ESRRG: variants seen among roughly 807,000 people sequenced by gnomAD.
ESRRG encodes the protein estrogen-related receptor gamma.
A neutral mutation model predicts 44.0 loss-of-function variants in ESRRG; 13 were observed. That is an observed-to-expected ratio of 0.30 (90% CI 0.19 to 0.47). ESRRG has a LOEUF of 0.47. ESRRG is among the 20% of genes least tolerant of loss of function. The pLI, the probability that ESRRG is intolerant of heterozygous loss-of-function variation, is 1.00. For synonymous variants in ESRRG, 215 were observed against 214.6 expected (o/e 1.00, Z -0.02); for missense variants, 395 against 580.6 (o/e 0.68, Z 3.29).
intron 5 of ESRRG, among the ~76,000 whole-genome samples, chr1:216,558,417 AT>A (rs955781292): frequency 1.5e-4 from 23 of 152,266 alleles, no homozygotes; most frequent in Admixed American, 9.2e-4. Context: ...TATCTACACA[AT>A]GATTCTCTTG....
intron 1 of ESRRG, among the ~76,000 whole-genome samples, chr1:216,705,469 C>T (rs1255368617): frequency 6.6e-6 from 1 of 151,996 alleles, no homozygotes; most frequent in Non-Finnish European, 1.5e-5. Context: ...TAAATCAATA[C>T]CCAAAAATAT....
chr1:217,117,305 G>T (rs2092743365), intron 1 of ESRRG, among the ~76,000 whole-genome samples: 1 of 152,130 alleles, frequency 6.6e-6, no homozygotes, highest in African/African-American at 2.4e-5. Flanking sequence ...AAATAAAGTT[G>T]GCCAGCCATG....
chr1:216,573,445 T>C (rs1393828658), intron 3 of ESRRG, among the ~76,000 whole-genome samples: 1 of 151,980 alleles, frequency 6.6e-6, no homozygotes, highest in Non-Finnish European at 1.5e-5. Flanking sequence ...CCAATAACAT[T>C]ACATTATGGT....
At chr1:216,753,812 G>T (rs892718839) in intron 2 of ESRRG, among the ~76,000 whole-genome samples, 1 of 151,994 alleles carries the variant, frequency 6.6e-6, no homozygotes, top group South Asian at 2.1e-4. Flanking sequence ...AGAAACCCTG[G>T]CTTCAGATAT....
chr1:216,847,831 C>T (rs140903590), intron 2 of ESRRG, among the ~76,000 whole-genome samples: 71 of 152,186 alleles, frequency 4.7e-4, no homozygotes, highest in African/African-American at 1.5e-3. Flanking sequence ...AACACAGTGG[C>T]GGTGGCTATG....
At chr1:217,086,243 C>G (rs1364579028) in intron 1 of ESRRG, among the ~76,000 whole-genome samples, 1 of 152,108 alleles carries the variant, frequency 6.6e-6, no homozygotes, top group Non-Finnish European at 1.5e-5. Flanking sequence ...ATAGTATTTC[C>G]AAAAGCACAG....
At chr1:217,133,627 TTCTTTCTCTCTC>T (rs1267170028) in intron 1 of ESRRG, among the ~76,000 whole-genome samples, 5 of 38,800 alleles carry the variant, frequency 1.3e-4, no homozygotes, top group African/African-American at 3.4e-4. Flanking sequence ...CTTTCTTTCT[TTCTTTCTCTCTC>T]TCTCTCTCTT....
chr1:216,756,720 G>A (rs1052149841), intron 2 of ESRRG, among the ~76,000 whole-genome samples: 1 of 152,084 alleles, frequency 6.6e-6, no homozygotes, highest in Non-Finnish European at 1.5e-5. Flanking sequence ...AGAGCGAAAT[G>A]TTGACACTGA....
rs1366028544 is a variant in ESRRG, at chr1:217,120,721, T to C, written c.-230+16946A>G. ...GAACCACTGTTCCCTCTGCCTACAA[T>C]TCATCTTTCTCATGTGGTTAATTCA... On this transcript the variant is annotated intron_variant, in intron 1 of 8. Transcript: ENST00000366940. 2.6e-5 allele frequency among the ~76,000 whole-genome samples: 4 copies of C among 152,204 alleles called. No individual in the cohort carries two copies. In the East Asian group the frequency reaches 7.7e-4, roughly 29 times the overall value.
intron 1 of ESRRG, among the ~76,000 whole-genome samples, chr1:216,708,684 T>C (rs924150918): frequency 6.6e-6 from 1 of 152,154 alleles, no homozygotes; most frequent in Non-Finnish European, 1.5e-5. Context: ...GAACTAGAAA[T>C]ACCATTTGAC....
At chr1:216,688,088 T>G (rs1337452821) in intron 1 of ESRRG, among the ~76,000 whole-genome samples, 1 of 151,556 alleles carries the variant, frequency 6.6e-6, no homozygotes, top group Non-Finnish European at 1.5e-5. Context: ...CTGAGAGATA[T>G]TATGAAAATT....
chr1:217,020,142 G>T (rs2080064921), intron 1 of ESRRG, among the ~76,000 whole-genome samples: 1 of 152,044 alleles, frequency 6.6e-6, no homozygotes, highest in South Asian at 2.1e-4. Flanking sequence ...ACATGGTTTT[G>T]CTCAAATAAA....
Position 216,959,847 on chromosome 1 carries a change from A to C in ESRRG, c.-105-20174T>G, listed in dbSNP as rs529605081. ...CATCTGTACATATACATGTATAGAG[A>C]ATTTTTTAAGTAATAATAAAACAGA... On this transcript the variant is annotated intron_variant, in intron 1 of 7. Coordinates refer to the ESRRG transcript ENST00000359162. Among the ~76,000 whole-genome samples the C allele has an allele frequency of 6.6e-5, 10 of 152,240 alleles. 2 individuals are homozygous for C. In the South Asian group the frequency reaches 2.1e-3, roughly 32 times the overall value.
intron 3 of ESRRG, among the ~76,000 whole-genome samples, chr1:216,579,495 A>G (rs1047406101): frequency 6.6e-6 from 1 of 152,158 alleles, no homozygotes; most frequent in African/African-American, 2.4e-5. Flanking sequence ...AGTAGGGTGA[A>G]GTCCATAGCC....
chr1:216,528,855 G>C (rs2048445495), intron 5 of ESRRG, among the ~76,000 whole-genome samples: 1 of 151,982 alleles, frequency 6.6e-6, no homozygotes, highest in Admixed American at 6.6e-5. Flanking sequence ...GTCCAGTTTA[G>C]AACAATGGGT....
intron 2 of ESRRG, among the ~76,000 whole-genome samples, chr1:216,820,086 A>G (rs924579916): frequency 6.6e-6 from 1 of 152,212 alleles, no homozygotes; most frequent in Non-Finnish European, 1.5e-5. Context: ...CAAATTTAAT[A>G]AGTATAAAAA....
intron 2 of ESRRG, among the ~76,000 whole-genome samples, chr1:216,808,591 AATTTTTGT>A (rs937744404): frequency 8.6e-5 from 13 of 152,028 alleles, no homozygotes; most frequent in African/African-American, 3.1e-4. Context: ...TCCACCGGCT[AATTTTTGT>A]ATTTTTTGTA....
At chr1:216,566,611 G>A (rs554842137) in intron 4 of ESRRG, among the ~76,000 whole-genome samples, 1 of 152,298 alleles carries the variant, frequency 6.6e-6, no homozygotes, top group South Asian at 2.1e-4. Context: ...TGGGCAGTCT[G>A]TATATTAGTG....
chr1:216,506,890 A>G lies in ESRRG; in HGVS notation c.*49T>C, dbSNP rs200205260. 332 of 1,578,028 alleles carry G rather than the reference A, an allele frequency of 2.1e-4. 1 individual carries two copies. The highest frequency in any genetic ancestry group is 4.4e-4 in the Admixed American group (24 of 54,308). ...TTTCTTCGACATCACTCTTGGGTTT[A>G]TTTTCCCTTTTTCAACATGAAGGAT... On this transcript the variant is annotated 3_prime_UTR_variant, in exon 7 of 7. Coordinates refer to ENST00000408911, the MANE Select transcript of ESRRG (RefSeq NM_001438.4).
Sources: gnomAD v4.1 joint callset for allele counts (sites outside exome capture counted in the v4.1 genomes callset) on GRCh38, gnomAD v4.1.1 for gene constraint, MANE v1.5 for transcripts, NCBI Gene and HGNC (gene_info 2026-07-23, HGNC 2026-07-21) for gene names.